KCTD8: variants seen among roughly 807,000 people sequenced by gnomAD.
KCTD8 encodes potassium channel tetramerization domain containing 8, also known as BTB/POZ domain-containing protein KCTD8.
In KCTD8, 27 loss-of-function variants were observed where a neutral mutation model predicts 31.5. That is an observed-to-expected ratio of 0.86 (90% confidence interval 0.63 to 1.18). The LOEUF (loss-of-function observed/expected upper bound fraction) is 1.18, where lower values mean the gene tolerates loss of function less well. Ranked by LOEUF, KCTD8 falls within the 50% of genes most tolerant of loss-of-function variation. The pLI is 0.00. For synonymous variants in KCTD8, 290 were observed against 280.0 expected, an observed-to-expected ratio of 1.04 and a Z score of -0.36; for missense variants, 658 against 647.7, an observed-to-expected ratio of 1.02 and a Z score of -0.17.
intron 1 of KCTD8, among the ~76,000 whole-genome samples, chr4:44,388,183 T>A: frequency 6.6e-6 from 1 of 151,724 alleles, no homozygotes; most frequent in Non-Finnish European, 1.5e-5. Context: ...TCAGAATGGC[T>A]ACTATTAAAA....
At chr4:44,176,814 T>C (rs1371443182) in intron 1 of KCTD8, among the ~76,000 whole-genome samples, 1 of 152,004 alleles carries the variant, frequency 6.6e-6, no homozygotes, top group Non-Finnish European at 1.5e-5. Context: ...TGACTCCCCC[T>C]CCTGAAAAAC....
chr4:44,355,399 T>C (rs1019561213), intron 1 of KCTD8, among the ~76,000 whole-genome samples: 4 of 152,156 alleles, frequency 2.6e-5, no homozygotes, highest in African/African-American at 7.2e-5. Flanking sequence ...TTGCTTTTTT[T>C]CTTTCGTCTT....
intron 1 of KCTD8, among the ~76,000 whole-genome samples, chr4:44,447,098 C>T (rs996574907): frequency 6.6e-6 from 1 of 152,212 alleles, no homozygotes; most frequent in African/African-American, 2.4e-5. Flanking sequence ...CCAGGTGGTG[C>T]GAGGCGATGC....
intron 1 of KCTD8, among the ~76,000 whole-genome samples, chr4:44,243,710 G>T (rs1334226834): frequency 6.6e-6 from 1 of 152,188 alleles, no homozygotes; most frequent in Non-Finnish European, 1.5e-5. Flanking sequence ...ACATTGATGA[G>T]ATCAAAACCT....
intron 1 of KCTD8, among the ~76,000 whole-genome samples, chr4:44,380,696 G>T (rs574886586): frequency 5.8e-4 from 88 of 151,964 alleles, no homozygotes; most frequent in Admixed American, 1.2e-3. Context: ...GGTTCACTTT[G>T]CAGTGAATAA....
intron 1 of KCTD8, among the ~76,000 whole-genome samples, chr4:44,229,695 C>G (rs976564033): frequency 2.6e-5 from 4 of 151,240 alleles, no homozygotes; most frequent in African/African-American, 9.8e-5. Context: ...TGTTCTAAAG[C>G]CTTTTTTTTT....
At chr4:44,416,718 AG>A (rs1721086427) in intron 1 of KCTD8, among the ~76,000 whole-genome samples, 1 of 152,172 alleles carries the variant, frequency 6.6e-6, no homozygotes, top group Non-Finnish European at 1.5e-5. Context: ...AAGCTTTCTG[AG>A]GCCCTCACCA....
chr4:44,208,193 C>A (rs1459466778), intron 1 of KCTD8, among the ~76,000 whole-genome samples: 5 of 152,192 alleles, frequency 3.3e-5, no homozygotes, highest in African/African-American at 9.7e-5. Context: ...ATCTACTATT[C>A]TTTTCCATTG....
At chr4:44,210,225 A>C (rs1329925290) in intron 1 of KCTD8, among the ~76,000 whole-genome samples, 1 of 152,228 alleles carries the variant, frequency 6.6e-6, no homozygotes, top group South Asian at 2.1e-4. Context: ...TTCAGTAAAT[A>C]TGAATCCTTT....
intron 1 of KCTD8, among the ~76,000 whole-genome samples, chr4:44,206,853 G>C (rs1171365677): frequency 6.6e-6 from 1 of 152,144 alleles, no homozygotes; most frequent in East Asian, 1.9e-4. Context: ...TTGTTTTAAG[G>C]ATTACATAAG....
chr4:44,343,340 T>G (rs1718952547), intron 1 of KCTD8, among the ~76,000 whole-genome samples: 1 of 152,186 alleles, frequency 6.6e-6, no homozygotes, highest in African/African-American at 2.4e-5. Context: ...GTACAGCAGT[T>G]AGAATACACA....
At chr4:44,224,488 T>C (rs1714893626) in intron 1 of KCTD8, among the ~76,000 whole-genome samples, 2 of 152,296 alleles carry the variant, frequency 1.3e-5, no homozygotes, top group East Asian at 1.9e-4. Flanking sequence ...TCTGCGTTTG[T>C]TAGGATAATG....
At chr4:44,403,447 ATT>A (rs1300653404) in intron 1 of KCTD8, among the ~76,000 whole-genome samples, 16 of 147,500 alleles carry the variant, frequency 1.1e-4, no homozygotes, top group African/African-American at 4.0e-4. Context: ...AAAAAAACAG[ATT>A]AAGTGGCTTA....
intron 1 of KCTD8, among the ~76,000 whole-genome samples, chr4:44,261,176 G>C (rs563804735): frequency 1.2e-4 from 19 of 152,040 alleles, no homozygotes; most frequent in Non-Finnish European, 2.5e-4. Context: ...AGAAACTGGT[G>C]AACTAATGGT....
chr4:44,182,641 C>T (rs1713461598), intron 1 of KCTD8, among the ~76,000 whole-genome samples: 1 of 152,264 alleles, frequency 6.6e-6, no homozygotes, highest in African/African-American at 2.4e-5. Context: ...ACCAGGGACA[C>T]AAACACTGCG....
chr4:44,219,490 A>G (rs971702856), intron 1 of KCTD8, among the ~76,000 whole-genome samples: 3 of 152,214 alleles, frequency 2.0e-5, no homozygotes, highest in Non-Finnish European at 2.9e-5. Flanking sequence ...CCACAAACAT[A>G]GACACAGAGG....
intron 1 of KCTD8, among the ~76,000 whole-genome samples, chr4:44,263,109 C>G (rs1577580879): frequency 1.3e-5 from 2 of 152,240 alleles, no homozygotes; most frequent in Middle Eastern, 6.8e-3. Context: ...TCTCCCACTG[C>G]AGCAACGGAA....
At chr4:44,346,619 T>C (rs968032375) in intron 1 of KCTD8, among the ~76,000 whole-genome samples, 1 of 152,088 alleles carries the variant, frequency 6.6e-6, no homozygotes, top group African/African-American at 2.4e-5. Context: ...TATATGCACA[T>C]ACAAATGTCA....
At chr4:44,388,385 T>C (rs1224695218) in intron 1 of KCTD8, among the ~76,000 whole-genome samples, 2 of 151,816 alleles carry the variant, frequency 1.3e-5, no homozygotes, top group African/African-American at 2.4e-5. Context: ...AACCATTCTA[T>C]TATAAAGACA....
Sources: allele counts gnomAD v4.1 joint callset (sites outside exome capture counted in the v4.1 genomes callset), GRCh38; gene constraint gnomAD v4.1.1; transcripts MANE v1.5; gene names NCBI Gene and HGNC (gene_info 2026-07-23, HGNC 2026-07-21).